Variants in TTC17 observed in about 807,000 individuals in gnomAD.
TTC17 encodes tetratricopeptide repeat protein 17.
Under a neutral mutation model 143.8 loss-of-function variants are expected in TTC17, and 58 were observed. That is an observed-to-expected ratio of 0.40 (90% confidence interval 0.33 to 0.50). TTC17 has a LOEUF of 0.50. Ranked by LOEUF, TTC17 falls within the 20% of genes least tolerant of loss-of-function variation. The probability of loss-of-function intolerance (pLI) is 0.49; values close to 1 mark genes in which losing one functional copy is unlikely to be tolerated. For synonymous variants in TTC17, 501 were observed against 497.8 expected, an observed-to-expected ratio of 1.01 and a Z score of -0.09; for missense variants, 1,273 against 1,392.5, an observed-to-expected ratio of 0.91 and a Z score of 1.37.
intron 16 of TTC17, among the ~76,000 whole-genome samples, chr11:43,420,373 A>G (rs898314651): frequency 1.3e-5 from 2 of 152,204 alleles, no homozygotes; most frequent in African/African-American, 4.8e-5. Context: ...TACACTTTTT[A>G]TGTCATCCCT....
In TTC17 at chr11:43,389,691, G is replaced by A. The variant is rs1379104525; in HGVS notation, c.289G>A (p.Glu97Lys). ...VAQKIHIEENEDRDTGLEQRH... is the reference protein window; with the variant it reads ...VAQKIHIEENKDRDTGLEQRH... ...TCAAAAAATTCACATAGAAGAGAAT[G>A]AGGACAGAGACACAGGACTGGAACA... The change falls in exon 3 of 24, where the codon GAG becomes AAG. Residue 97 changes from glutamate (E) to lysine (K), a missense_variant. Physicochemically the swap from Glu to Lys is moderately conservative, Grantham distance 56. This residue lies in a region of TTC17 where 325 missense variants were observed against 444.2 expected (regional missense o/e 0.73). Transcript: ENST00000039989. 1.2e-6 allele frequency: 2 copies of A among 1,611,380 alleles called. No individual in the cohort carries two copies. The highest frequency in any genetic ancestry group is 1.7e-6 in the Non-Finnish European group (2 of 1,179,158).
chr11:43,377,624 C>T (rs1856811604), intron 1 of TTC17, among the ~76,000 whole-genome samples: 1 of 152,088 alleles, frequency 6.6e-6, no homozygotes, highest in African/African-American at 2.4e-5. Context: ...GAACTCCCTT[C>T]CTTCTGCTAA....
chr11:43,451,937 G>C (rs1394805632), intron 21 of TTC17, among the ~76,000 whole-genome samples: 1 of 152,034 alleles, frequency 6.6e-6, no homozygotes, highest in African/African-American at 2.4e-5. Flanking sequence ...TCCGAGTATC[G>C]CACATGGAAA....
intron 3 of TTC17, among the ~76,000 whole-genome samples, chr11:43,390,708 A>G (rs1445299705): frequency 6.6e-6 from 1 of 151,896 alleles, no homozygotes; most frequent in Non-Finnish European, 1.5e-5. Flanking sequence ...ATTTGTAGTT[A>G]AAAAAATTAA....
chr11:43,456,138 AGTTT>A (rs1465673232), intron 21 of TTC17, among the ~76,000 whole-genome samples: 2 of 151,876 alleles, frequency 1.3e-5, no homozygotes, highest in Admixed American at 6.6e-5. Context: ...GTACCAACTT[AGTTT>A]AAGAACCCTA....
At chr11:43,373,916 G>A (rs917864646) in intron 1 of TTC17, among the ~76,000 whole-genome samples, 4 of 152,214 alleles carry the variant, frequency 2.6e-5, no homozygotes, top group Non-Finnish European at 5.9e-5. Flanking sequence ...AAGCCATACA[G>A]TTAGTCATAG....
intron 8 of TTC17, among the ~76,000 whole-genome samples, chr11:43,399,170 G>T (rs1857741729): frequency 6.6e-6 from 1 of 152,156 alleles, no homozygotes; most frequent in Non-Finnish European, 1.5e-5. Flanking sequence ...AAAGTACTGT[G>T]GCCCCTAACT....
chr11:43,470,204 T>A (rs1948066194), intron 21 of TTC17, among the ~76,000 whole-genome samples: 1 of 152,146 alleles, frequency 6.6e-6, no homozygotes, highest in South Asian at 2.1e-4. Context: ...CAGTTAGACA[T>A]TTCACATTCA....
rs752613127 is a variant in TTC17, at chr11:43,450,086, A to T, written c.2791A>T (p.Thr931Ser). The change falls in exon 20 of 24, where the codon ACA becomes TCA. Residue 931 changes from threonine to serine, a missense_variant. Physicochemically the swap from Thr to Ser is moderately conservative, Grantham distance 58 (BLOSUM62 1). This residue lies in a region of TTC17 where 878 missense variants were observed against 899.8 expected (regional missense o/e 0.98). Transcript: ENST00000039989. Reference sequence around the variant, plus strand: ...GTGGTAATCTCCATTTTTCAGCATCACAGAACACATAGATTTTGCCACCCC... The same window carrying T: ...GTGGTAATCTCCATTTTTCAGCATCTCAGAACACATAGATTTTGCCACCCC... ...LAVSSKNIDI[T>S]EHIDFATPIQ... 1.9e-6 allele frequency: 3 copies of T among 1,613,550 alleles called. No homozygotes were observed. The highest frequency in any genetic ancestry group is 1.7e-4 in the Middle Eastern group (1 of 6,054).
At chr11:43,380,656 T>A (rs1359329964) in intron 2 of TTC17, among the ~76,000 whole-genome samples, 1 of 152,246 alleles carries the variant, frequency 6.6e-6, no homozygotes, top group Non-Finnish European at 1.5e-5. Flanking sequence ...TCAACATACA[T>A]ATGTCTACAA....
intron 1 of TTC17, among the ~76,000 whole-genome samples, chr11:43,373,577 C>T (rs1178461781): frequency 1.3e-5 from 2 of 152,148 alleles, no homozygotes; most frequent in Non-Finnish European, 2.9e-5. Context: ...CCCGCCTCAG[C>T]TTCCCAAAGT....
intron 16 of TTC17, among the ~76,000 whole-genome samples, chr11:43,427,293 C>G (rs967865506): frequency 6.6e-6 from 1 of 152,144 alleles, no homozygotes; most frequent in Non-Finnish European, 1.5e-5. Flanking sequence ...AAGCCCCCTC[C>G]GACTGTTTGT....
chr11:43,432,438 C>T (rs1033740229), intron 16 of TTC17, among the ~76,000 whole-genome samples: 1 of 152,096 alleles, frequency 6.6e-6, no homozygotes, highest in Non-Finnish European at 1.5e-5. Context: ...TAAGAAAAAC[C>T]GAACTGCCAG....
At chr11:43,484,958 T>A (rs1948355249) in intron 21 of TTC17, among the ~76,000 whole-genome samples, 1 of 151,888 alleles carries the variant, frequency 6.6e-6, no homozygotes, top group Non-Finnish European at 1.5e-5. Context: ...CTTATGAGAA[T>A]CTAATGCCTG....
At chr11:43,387,616 G>T (rs1010980946) in intron 2 of TTC17, among the ~76,000 whole-genome samples, 2 of 152,146 alleles carry the variant, frequency 1.3e-5, no homozygotes, top group African/African-American at 2.4e-5. Context: ...CATAAGACAG[G>T]ACCTAGGCCG....
chr11:43,446,980 T>C (rs1026179362), intron 18 of TTC17, among the ~76,000 whole-genome samples: 1 of 152,198 alleles, frequency 6.6e-6, no homozygotes, highest in African/African-American at 2.4e-5. Flanking sequence ...GACAAGTCAC[T>C]TAGTCTCTCT....
intron 21 of TTC17, among the ~76,000 whole-genome samples, chr11:43,453,923 T>C (rs1333090262): frequency 2.0e-5 from 3 of 152,194 alleles, no homozygotes; most frequent in African/African-American, 7.2e-5. Flanking sequence ...GGCAGCACAG[T>C]ATATTATAGA....
chr11:43,360,506 G>A (rs1459049473), intron 1 of TTC17, among the ~76,000 whole-genome samples: 1 of 152,160 alleles, frequency 6.6e-6, no homozygotes, highest in African/African-American at 2.4e-5. Context: ...AGTCACTCCT[G>A]CTGCATTTTG....
chr11:43,359,325 G>A (rs1855997343), intron 1 of TTC17: 1 of 593,372 alleles, frequency 1.7e-6, no homozygotes, highest in African/African-American at 2.0e-5. Flanking sequence ...CCCCCTAGAA[G>A]TTCTCACCCT....
Sources: gnomAD v4.1 joint callset for allele counts (sites outside exome capture counted in the v4.1 genomes callset) on GRCh38, gnomAD v4.1.1 for gene constraint, gnomAD v4.1.1 regional missense constraint, MANE v1.5 for transcripts, NCBI Gene and HGNC (gene_info 2026-07-23, HGNC 2026-07-21) for gene names.